Variants in LSAMP observed in about 807,000 individuals in gnomAD.
LSAMP encodes limbic system-associated membrane protein.
In LSAMP, 7 loss-of-function variants were observed where a neutral mutation model predicts 38.6. The observed-to-expected ratio is 0.18, with a 90% CI of 0.10 to 0.34. LSAMP has a LOEUF of 0.34. Ranked by LOEUF, LSAMP falls within the 10% of genes least tolerant of loss-of-function variation. The pLI is 1.00. For synonymous variants in LSAMP, 154 were observed against 166.8 expected (o/e 0.92, Z 0.59); for missense variants, 313 against 420.0 (o/e 0.75, Z 2.23).
intron 1 of LSAMP, among the ~76,000 whole-genome samples, chr3:116,386,116 G>A (rs1576181770): frequency 6.6e-6 from 1 of 152,066 alleles, no homozygotes; most frequent in South Asian, 2.1e-4. Context: ...TAAAGCAGTA[G>A]AGGCAGGTTT....
chr3:115,961,803 C>T (rs1475466823), intron 3 of LSAMP, among the ~76,000 whole-genome samples: 1 of 152,204 alleles, frequency 6.6e-6, no homozygotes, highest in Non-Finnish European at 1.5e-5. Flanking sequence ...CTCCCTCCTG[C>T]TGCTCTTAAA....
At chr3:116,268,107 C>G (rs1209012898) in intron 1 of LSAMP, among the ~76,000 whole-genome samples, 1 of 152,122 alleles carries the variant, frequency 6.6e-6, no homozygotes, top group African/African-American at 2.4e-5. Context: ...GTTAAAGCCA[C>G]TTTATTTGAC....
At chr3:116,172,148 A>T (rs2107554585) in intron 1 of LSAMP, among the ~76,000 whole-genome samples, 2 of 152,126 alleles carry the variant, frequency 1.3e-5, no homozygotes, top group Middle Eastern at 6.8e-3. Flanking sequence ...GAGCTTCTAG[A>T]TCATGTCAGG....
chr3:116,272,895 C>A (rs1333573518), intron 1 of LSAMP, among the ~76,000 whole-genome samples: 3 of 152,022 alleles, frequency 2.0e-5, no homozygotes, highest in Non-Finnish European at 4.4e-5. Flanking sequence ...GTTTTCTATT[C>A]TTTTATGAAA....
In LSAMP at chr3:115,804,970, A is replaced by G. The variant is rs966910233; in HGVS notation, c.*5347T>C. ...CATTTTTTATATTGCACAATTTCTT[A>G]GAATCCAGATGGCAAGCTTTCCCAC... On this transcript the variant is annotated 3_prime_UTR_variant, in exon 7 of 7. Transcript: ENST00000490035. 2.0e-5 allele frequency: 3 copies of G among 152,210 alleles called. No individual in the cohort carries two copies. Among genetic ancestry groups the G allele is most frequent in the Non-Finnish European group, 2.9e-5 (2 of 68,030 alleles). The allele number at this position is 152,210 out of a possible 1,614,324, so 9.4% of individuals were successfully genotyped here.
intron 6 of LSAMP, among the ~76,000 whole-genome samples, chr3:115,833,386 A>T (rs926204799): frequency 6.9e-6 from 1 of 144,314 alleles, no homozygotes; most frequent in African/African-American, 2.6e-5. Context: ...TTGCTATTCA[A>T]CAGAGTTATT....
At chr3:116,293,120 G>A (rs2047290063) in intron 1 of LSAMP, among the ~76,000 whole-genome samples, 1 of 151,942 alleles carries the variant, frequency 6.6e-6, no homozygotes, top group Admixed American at 6.5e-5. Context: ...TTTTCCCTGT[G>A]AGATAAGAAC....
At chr3:116,042,431 CTTT>C (rs1013336834) in intron 2 of LSAMP, among the ~76,000 whole-genome samples, 17 of 134,818 alleles carry the variant, frequency 1.3e-4, no homozygotes, top group Admixed American at 1.5e-4. Context: ...AAGAGCATTT[CTTT>C]TTTTTTTTTT....
In LSAMP at chr3:116,267,120, C is replaced by CTGT. The variant is rs773659358; in HGVS notation, c.155+177754_155+177756dup. On this transcript the variant is annotated intron_variant, in intron 1 of 6. Coordinates refer to ENST00000490035, the MANE Select transcript of LSAMP (RefSeq NM_002338.5). Reference sequence around the variant, plus strand: ...ACAGAGCAGGAAAAGTAGACTCCCACTGTATACACTGAGCTGGAATGCAAG... The same window carrying CTGT: ...ACAGAGCAGGAAAAGTAGACTCCCACTGTTGTATACACTGAGCTGGAATGCAAG... Among the ~76,000 whole-genome samples, 22 of 152,210 alleles carry CTGT rather than the reference C, an allele frequency of 1.4e-4. No homozygotes were observed. The East Asian group carries it at 3.9e-3, about 27-fold the overall frequency.
chr3:115,830,606 T>G (rs903368071), intron 6 of LSAMP, among the ~76,000 whole-genome samples: 2 of 152,214 alleles, frequency 1.3e-5, no homozygotes, highest in Non-Finnish European at 2.9e-5. Flanking sequence ...CCGTTATGTA[T>G]GTTAGCTGTT....
At chr3:116,283,956 AGGTTG>A (rs2047161728) in intron 1 of LSAMP, among the ~76,000 whole-genome samples, 1 of 152,140 alleles carries the variant, frequency 6.6e-6, no homozygotes, top group Non-Finnish European at 1.5e-5. Context: ...CAGTGAGCCG[AGGTTG>A]CGCCACTGCA....
chr3:116,405,374 A>G lies in LSAMP; in HGVS notation c.155+39503T>C, dbSNP rs1187102212. 3.9e-5 allele frequency among the ~76,000 whole-genome samples: 6 copies of G among 152,156 alleles called. No individual in the cohort carries two copies. The East Asian group carries it at 1.2e-3, about 29-fold the overall frequency. On this transcript the variant is annotated intron_variant, in intron 1 of 6. Coordinates refer to ENST00000490035, the MANE Select transcript of LSAMP (RefSeq NM_002338.5). ...TGAGCTACTTACTTATCTTCCGGAT[A>G]AGAACAGAAGACAAGTGGAGAGCAT...
At chr3:116,358,962 G>C (rs1196977864) in intron 1 of LSAMP, among the ~76,000 whole-genome samples, 1 of 152,120 alleles carries the variant, frequency 6.6e-6, no homozygotes, top group Non-Finnish European at 1.5e-5. Context: ...TTAAATGTGG[G>C]CCTATTTGCC....
At chr3:115,830,402 G>GTA in intron 6 of LSAMP, among the ~76,000 whole-genome samples, 1 of 152,282 alleles carries the variant, frequency 6.6e-6, no homozygotes. Flanking sequence ...GAACATGAAT[G>GTA]TATACACAAG....
At chr3:116,155,311 A>C (rs978012136) in intron 1 of LSAMP, among the ~76,000 whole-genome samples, 1 of 150,886 alleles carries the variant, frequency 6.6e-6, no homozygotes, top group Non-Finnish European at 1.5e-5. Flanking sequence ...TGCAACCTCC[A>C]CCTCCTGGGT....
chr3:116,290,528 G>A (rs1179151890), intron 1 of LSAMP, among the ~76,000 whole-genome samples: 1 of 151,794 alleles, frequency 6.6e-6, no homozygotes, highest in African/African-American at 2.4e-5. Context: ...TCAGGAGTTT[G>A]AGACCAGCCT....
chr3:116,273,985 C>T (rs2107674048), intron 1 of LSAMP, among the ~76,000 whole-genome samples: 1 of 151,918 alleles, frequency 6.6e-6, no homozygotes, highest in South Asian at 2.1e-4. Flanking sequence ...TTCTCCACTG[C>T]TTCCTATCTG....
chr3:116,394,764 T>G (rs533674390), intron 1 of LSAMP, among the ~76,000 whole-genome samples: 12 of 152,334 alleles, frequency 7.9e-5, no homozygotes, highest in African/African-American at 2.9e-4. Flanking sequence ...AACTAATACG[T>G]GTTTTTCTTC....
intron 1 of LSAMP, among the ~76,000 whole-genome samples, chr3:116,109,421 G>A (rs1379417785): frequency 6.6e-6 from 1 of 152,100 alleles, no homozygotes; most frequent in Admixed American, 6.5e-5. Context: ...ACTCAGCAAC[G>A]CTTGGGGTTG....
Sources: allele counts gnomAD v4.1 joint callset (sites outside exome capture counted in the v4.1 genomes callset), GRCh38; gene constraint gnomAD v4.1.1; transcripts MANE v1.5; gene names NCBI Gene and HGNC (gene_info 2026-07-23, HGNC 2026-07-21).